Variants in KPNA7 observed in about 807,000 individuals in gnomAD.
The protein encoded by KPNA7 is importin subunit alpha-8.
In KPNA7, 54 loss-of-function variants were observed where a neutral mutation model predicts 53.7. The ratio of observed to expected loss-of-function variants is 1.01; its 90% CI spans 0.81 to 1.26. The LOEUF (loss-of-function observed/expected upper bound fraction) is 1.26. Among genes scored for constraint, KPNA7 ranks in the 50% most tolerant of loss-of-function variants. KPNA7 has a pLI of 0.00. For synonymous variants in KPNA7, 276 were observed against 259.3 expected (o/e 1.06, Z -0.62); for missense variants, 640 against 644.5 (o/e 0.99, Z 0.07).
intron 3 of KPNA7, among the ~76,000 whole-genome samples, chr7:99,197,281 C>A (rs907741930): frequency 6.6e-5 from 10 of 152,132 alleles, no homozygotes; most frequent in African/African-American, 2.4e-4. Context: ...ACTGCAGCAG[C>A]CACACATCAC....
chr7:99,208,147 G>A (rs1212280313), upstream of KPNA7, among the ~76,000 whole-genome samples: 2 of 151,660 alleles, frequency 1.3e-5, no homozygotes, highest in African/African-American at 2.4e-5. Context: ...CACAATCACG[G>A]CTCACTGCAA....
the KPNA7 span, among the ~76,000 whole-genome samples, chr7:99,153,010 G>T: frequency 6.6e-6 from 1 of 152,204 alleles, no homozygotes; most frequent in South Asian, 2.1e-4. Context: ...AAGCCACCAT[G>T]CATCGGAATG....
chr7:99,153,617 G>A, the KPNA7 span, among the ~76,000 whole-genome samples: 1 of 151,848 alleles, frequency 6.6e-6, no homozygotes, highest in Non-Finnish European at 1.5e-5. Context: ...ACAGACTTTG[G>A]TTTCCTTCGT....
Position 99,193,070 on chromosome 7 carries a change from G to A in KPNA7, c.585C>T (p.Ile195=). 6.6e-7 allele frequency: 1 copy of A among 1,510,948 alleles called. No individual in the cohort carries two copies. The highest frequency in any genetic ancestry group is 8.8e-7 in the Non-Finnish European group (1 of 1,131,472). The allele number at this position is 1,510,948 out of a possible 1,614,324, so 93.6% of individuals were successfully genotyped here. Residue 195 remains isoleucine (I), a synonymous_variant, in exon 6 of 11, where the codon ATC becomes ATT. Coordinates refer to ENST00000327442, the MANE Select transcript of KPNA7 (RefSeq NM_001145715.3). ...GDGPEFRDNV[I]TSNAIPHLLA... is the part of the protein sequence containing the mutation. ...GGAGATGTGGGATGGCATTGCTTGT[G>A]ATGACGTTATCTCTGAACTCTGGGC...
At chr7:99,167,883 C>A in the KPNA7 span, among the ~76,000 whole-genome samples, 1 of 151,990 alleles carries the variant, frequency 6.6e-6, no homozygotes, top group Non-Finnish European at 1.5e-5. Flanking sequence ...CCCACTGATT[C>A]TACATGATGG....
chr7:99,209,836 C>T (rs750216237), upstream of KPNA7, among the ~76,000 whole-genome samples: 37 of 151,908 alleles, frequency 2.4e-4, no homozygotes, highest in Middle Eastern at 3.4e-3. Flanking sequence ...GCAAGACCCC[C>T]GTCTCTACAA....
chr7:99,209,509 C>A (rs574151939), upstream of KPNA7, among the ~76,000 whole-genome samples: 37 of 151,984 alleles, frequency 2.4e-4, no homozygotes, highest in South Asian at 4.4e-3. Context: ...CATGGCGAAA[C>A]CCTGTCTCTA....
intron 3 of KPNA7, 112 bp downstream of exon 3, chr7:99,202,994 A>T: frequency 1.5e-6 from 2 of 1,327,142 alleles, no homozygotes. Context: ...TCCTTTCTTT[A>T]AAAGCCCAAA....
chr7:99,163,199 T>C, the KPNA7 span, among the ~76,000 whole-genome samples: 143 of 151,414 alleles, frequency 9.4e-4, 1 homozygote, highest in African/African-American at 3.2e-3. Context: ...AAAAAGTGTA[T>C]GTAAATTCAA....
chr7:99,198,524 G>A (rs1790344747), intron 3 of KPNA7, among the ~76,000 whole-genome samples: 1 of 151,878 alleles, frequency 6.6e-6, no homozygotes, highest in African/African-American at 2.4e-5. Context: ...TAAAGGGGGG[G>A]GAACCCACAT....
chr7:99,189,365 G>C (rs1330948540), intron 6 of KPNA7, among the ~76,000 whole-genome samples: 1 of 152,024 alleles, frequency 6.6e-6, no homozygotes. Flanking sequence ...GGGCTCAAGT[G>C]ATCTGCCTAC....
At chr7:99,177,450 C>A (rs1798947397) in intron 10 of KPNA7, among the ~76,000 whole-genome samples, 1 of 151,966 alleles carries the variant, frequency 6.6e-6, no homozygotes, top group Admixed American at 6.6e-5. Context: ...TAGTACATCT[C>A]TCTAATCCCA....
At chr7:99,213,485 C>T (rs1293942190) in intron 1 of KPNA7, among the ~76,000 whole-genome samples, 1 of 148,756 alleles carries the variant, frequency 6.7e-6, no homozygotes, top group Non-Finnish European at 1.5e-5. Context: ...TCATTGTTGC[C>T]CAGGCTGAAG....
At chr7:99,191,307 G>A (rs1238159569) in intron 6 of KPNA7, among the ~76,000 whole-genome samples, 2 of 151,876 alleles carry the variant, frequency 1.3e-5, no homozygotes, top group Non-Finnish European at 2.9e-5. Context: ...ACAGGTGCGT[G>A]CCACCACACC....
At chr7:99,147,293 C>T in the KPNA7 span, among the ~76,000 whole-genome samples, 20 of 152,306 alleles carry the variant, frequency 1.3e-4, no homozygotes, top group African/African-American at 4.8e-4. Flanking sequence ...GAAATGGAGA[C>T]ATCTCGAGTC....
chr7:99,152,372 A>G, the KPNA7 span, among the ~76,000 whole-genome samples: 1 of 152,036 alleles, frequency 6.6e-6, no homozygotes, highest in Non-Finnish European at 1.5e-5. Context: ...AAAAAAAGAA[A>G]AAGAAAAAAA....
At chr7:99,197,403 T>C (rs1222740302) in intron 3 of KPNA7, among the ~76,000 whole-genome samples, 1 of 152,180 alleles carries the variant, frequency 6.6e-6, no homozygotes, top group Non-Finnish European at 1.5e-5. Flanking sequence ...GTCACACTAT[T>C]TTAAATGACT....
chr7:99,217,357 C>G (rs1291514015), intron 1 of KPNA7, among the ~76,000 whole-genome samples: 1 of 152,180 alleles, frequency 6.6e-6, no homozygotes, highest in Non-Finnish European at 1.5e-5. Flanking sequence ...AGATCTGCAT[C>G]ACTACCAGCC....
intron 8 of KPNA7, among the ~76,000 whole-genome samples, chr7:99,183,866 C>T (rs1260030563): frequency 2.0e-5 from 3 of 151,858 alleles, no homozygotes; most frequent in Non-Finnish European, 2.9e-5. Flanking sequence ...TGTTTTTTTG[C>T]GACAGTTTTA....
Sources: allele counts gnomAD v4.1 joint callset (sites outside exome capture counted in the v4.1 genomes callset), GRCh38; gene constraint gnomAD v4.1.1; transcripts MANE v1.5; gene names NCBI Gene and HGNC (gene_info 2026-07-23, HGNC 2026-07-21).